Variants in TMCO6 observed in about 807,000 individuals in gnomAD.
TMCO6 encodes transmembrane and coiled-coil domain-containing protein 6.
In TMCO6, 47 loss-of-function variants were observed where a neutral mutation model predicts 61.8. That is an observed-to-expected ratio of 0.76 (90% CI 0.60 to 0.97). The LOEUF (loss-of-function observed/expected upper bound fraction) is 0.97. TMCO6 is among the 50% of genes least tolerant of loss of function. The pLI is 0.00. For synonymous variants in TMCO6, 261 were observed against 254.2 expected (o/e 1.03, Z -0.25); for missense variants, 557 against 601.6 (o/e 0.93, Z 0.78).
intron 4 of TMCO6, 93 bp downstream of exon 4, chr5:140,642,146 CAT>C: frequency 6.6e-7 from 1 of 1,508,874 alleles, no homozygotes. Flanking sequence ...AGGAAGAAAA[CAT>C]GTTTGCCCTT....
chr5:140,617,531 C>A, the TMCO6 span, among the ~76,000 whole-genome samples: 1 of 152,086 alleles, frequency 6.6e-6, no homozygotes, highest in African/African-American at 2.4e-5. Flanking sequence ...GCCTGGGCAA[C>A]AGAGTGAGGC....
intron 11 of TMCO6, 87 bp from the exon 12 acceptor site, chr5:140,644,898 T>G: frequency 6.6e-7 from 1 of 1,521,274 alleles, no homozygotes; most frequent in Non-Finnish European, 9.0e-7. Flanking sequence ...GAATGCACCC[T>G]CTGGAGTAGG....
At chr5:140,629,159 C>G in the TMCO6 span, among the ~76,000 whole-genome samples, 2 of 152,178 alleles carry the variant, frequency 1.3e-5, no homozygotes, top group East Asian at 3.9e-4. Context: ...ATCCCAGCTA[C>G]TCAGAAGGCT....
At position 140,643,777 on chromosome 5, in the gene TMCO6, C is replaced by T. The variant is rs140516338; in HGVS notation, c.919-3C>T. 5.1e-5 allele frequency: 83 copies of T among 1,612,958 alleles called. No homozygotes were observed. The East Asian group carries it at 1.7e-3, about 32-fold the overall frequency. The stretch of plus-strand genomic sequence containing the variant: ...CACCTGACCCCCCAATTTGTCTTTG[C>T]AGCTGGCATGCCCCGTGCTTCGATG... On this transcript the variant is annotated splice_polypyrimidine_tract_variant and splice_region_variant and intron_variant, in intron 8 of 11. Coordinates refer to ENST00000394671, the MANE Select transcript of TMCO6 (RefSeq NM_018502.5).
intron 2 of TMCO6, among the ~76,000 whole-genome samples, chr5:140,640,400 T>TTTTTC (rs535649277): frequency 4.6e-4 from 70 of 151,950 alleles, no homozygotes; most frequent in Non-Finnish European, 8.2e-4. Flanking sequence ...GAGCCTATTT[T>TTTTTC]TTTTCTTTTC....
chr5:140,639,328 T>C (rs1756864757), upstream of TMCO6: 3 of 592,280 alleles, frequency 5.1e-6, no homozygotes, highest in South Asian at 1.9e-5. Context: ...TGGTGCAGCG[T>C]CTCTAGCCCT....
At chr5:140,632,255 T>C in the TMCO6 span, 2 of 1,613,616 alleles carry the variant, frequency 1.2e-6, no homozygotes, top group Admixed American at 3.3e-5. The surrounding 1 kb of genome is among the most constrained non-coding windows in gnomAD (Gnocchi z 6.2). Flanking sequence ...CCGCCGCCAG[T>C]GCGGCGCACA....
At chr5:140,643,341 T>C in intron 7 of TMCO6, 1 of 584,804 alleles carries the variant, frequency 1.7e-6, no homozygotes, top group East Asian at 3.1e-5. Context: ...AGACTACAGA[T>C]GCGTGCCACT....
the TMCO6 span, among the ~76,000 whole-genome samples, chr5:140,596,751 G>A: frequency 6.6e-6 from 1 of 152,114 alleles, no homozygotes; most frequent in African/African-American, 2.4e-5. Flanking sequence ...GCCCAGGGTG[G>A]GCTGCTATCC....
At chr5:140,605,710 C>A in the TMCO6 span, among the ~76,000 whole-genome samples, 5 of 98,700 alleles carry the variant, frequency 5.1e-5, no homozygotes, top group Admixed American at 9.8e-5. Flanking sequence ...CACACACACA[C>A]ACACACACAC....
upstream of TMCO6, chr5:140,638,599 GTACCCCA>G (rs1468577408): frequency 5.3e-5 from 7 of 131,432 alleles, no homozygotes; most frequent in Non-Finnish European, 8.0e-5. Context: ...TTTCGCTCTT[GTACCCCA>G]GGCAATGGGG....
chr5:140,616,439 A>T, the TMCO6 span, among the ~76,000 whole-genome samples: 1 of 152,072 alleles, frequency 6.6e-6, no homozygotes, highest in African/African-American at 2.4e-5. Context: ...ACACCGGCCT[A>T]TAGCCCTAGC....
chr5:140,638,347 T>C (rs1010662989), upstream of TMCO6, among the ~76,000 whole-genome samples: 1 of 152,100 alleles, frequency 6.6e-6, no homozygotes, highest in African/African-American at 2.4e-5. Flanking sequence ...TAGTCCTCTT[T>C]CCAAATAATG....
chr5:140,621,904 T>A, the TMCO6 span, among the ~76,000 whole-genome samples: 1 of 152,164 alleles, frequency 6.6e-6, no homozygotes, highest in Admixed American at 6.5e-5. Flanking sequence ...CTAATAAATT[T>A]TGGTCAGACT....
downstream of TMCO6, among the ~76,000 whole-genome samples, chr5:140,646,642 A>C (rs1212325132): frequency 6.6e-6 from 1 of 152,180 alleles, no homozygotes; most frequent in Non-Finnish European, 1.5e-5. Flanking sequence ...ATGATAGGAA[A>C]ATTTCATTTT....
At chr5:140,630,312 A>AC in the TMCO6 span, among the ~76,000 whole-genome samples, 11 of 136,326 alleles carry the variant, frequency 8.1e-5, no homozygotes, top group Non-Finnish European at 1.1e-4. Context: ...ACTCTTTAAA[A>AC]AAAATTTTTT....
chr5:140,639,749 G>A lies in TMCO6; in HGVS notation c.96G>A (p.Lys32=). The change falls in exon 2 of 12, where the codon AAG becomes AAA. Residue 32 remains lysine, a synonymous_variant. Coordinates refer to ENST00000394671, the MANE Select transcript of TMCO6 (RefSeq NM_018502.5). Reference sequence around the variant, plus strand: ...CTCCTCTGCCCCCAGCACTGCGGAAGGCGCGGAGGGAGCAGCAGCTGGTCA... The same window carrying A: ...CTCCTCTGCCCCCAGCACTGCGGAAAGCGCGGAGGGAGCAGCAGCTGGTCA... ...RRREREAALR[K]ARREQQLVSK... 6.3e-7 allele frequency: 1 copy of A among 1,597,590 alleles called. No individual in the cohort carries two copies. The highest frequency in any genetic ancestry group is 8.5e-7 in the Non-Finnish European group (1 of 1,173,250).
At chr5:140,600,179 T>C in the TMCO6 span, among the ~76,000 whole-genome samples, 1 of 152,172 alleles carries the variant, frequency 6.6e-6, no homozygotes, top group African/African-American at 2.4e-5. Flanking sequence ...TATCTTTCAG[T>C]TATAGTGGAA....
chr5:140,624,450 G>A, the TMCO6 span, among the ~76,000 whole-genome samples: 5 of 152,062 alleles, frequency 3.3e-5, no homozygotes, highest in Non-Finnish European at 1.5e-5. Context: ...CTATAACCGC[G>A]CTTTAATTTT....
Sources: gnomAD v4.1 joint callset for allele counts (sites outside exome capture counted in the v4.1 genomes callset) on GRCh38, gnomAD v4.1.1 for gene constraint, Gnocchi (gnomAD v3.1) non-coding constraint, MANE v1.5 for transcripts, NCBI Gene and HGNC (gene_info 2026-07-23, HGNC 2026-07-21) for gene names.